The following METTL15 variants were observed in gnomAD, a reference collection of about 807,000 sequenced individuals.
METTL15 encodes the protein 12S rRNA N(4)-cytidine methyltransferase METTL15.
METTL15 carries 34 observed loss-of-function variants against 38.3 expected under a neutral mutation model. That is an observed-to-expected ratio of 0.89 (90% confidence interval 0.68 to 1.18). METTL15 has a LOEUF of 1.18. Ranked by LOEUF, METTL15 falls within the 50% of genes most tolerant of loss-of-function variation. The probability of loss-of-function intolerance (pLI) is 0.00; values close to 1 mark genes in which losing one functional copy is unlikely to be tolerated. For synonymous variants in METTL15, 162 were observed against 170.9 expected (o/e 0.95, Z 0.41); for missense variants, 438 against 498.4 (o/e 0.88, Z 1.15).
At chr11:28,348,045 A>T (rs772538382) in intron 3 of METTL15, among the ~76,000 whole-genome samples, 5 of 152,184 alleles carry the variant, frequency 3.3e-5, no homozygotes, top group Non-Finnish European at 7.3e-5. Flanking sequence ...CCATCCTATG[A>T]GATTGCACAT....
chr11:28,424,375 A>C (rs1850847296), intron 6 of METTL15: 1 of 152,104 alleles, frequency 6.6e-6, no homozygotes, highest in East Asian at 1.9e-4. Flanking sequence ...GTGAGTCACT[A>C]TTATAGGCCC....
intron 5 of METTL15, among the ~76,000 whole-genome samples, chr11:28,412,040 A>T (rs1228405260): frequency 6.6e-6 from 1 of 152,054 alleles, no homozygotes; most frequent in Non-Finnish European, 1.5e-5. Context: ...AACCACTATG[A>T]GATATCACCT....
At chr11:28,155,916 C>T (rs1292031152) in intron 3 of METTL15, among the ~76,000 whole-genome samples, 1 of 152,144 alleles carries the variant, frequency 6.6e-6, no homozygotes, top group Admixed American at 6.6e-5. Context: ...CAGGCTGTCT[C>T]TGTAAGGTCA....
intron 6 of METTL15, among the ~76,000 whole-genome samples, chr11:28,458,413 C>A (rs1186589938): frequency 1.3e-5 from 2 of 152,102 alleles, no homozygotes; most frequent in African/African-American, 4.8e-5. Context: ...CTTAGATATC[C>A]ATAAAACTTG....
At chr11:28,337,887 AC>A (rs922188553), downstream of METTL15, among the ~76,000 whole-genome samples, 7 of 152,074 alleles carry the variant, frequency 4.6e-5, no homozygotes, top group African/African-American at 1.7e-4. Context: ...TTGCCTAATG[AC>A]CCATGTCTCA....
intron 6 of METTL15, among the ~76,000 whole-genome samples, chr11:28,449,231 A>G (rs2133446016): frequency 6.6e-6 from 1 of 152,238 alleles, no homozygotes; most frequent in East Asian, 1.9e-4. Flanking sequence ...CTGATTTGTA[A>G]TGACACTTTA....
At chr11:28,400,535 C>G (rs992013656) in intron 5 of METTL15, among the ~76,000 whole-genome samples, 1 of 151,958 alleles carries the variant, frequency 6.6e-6, no homozygotes, top group Non-Finnish European at 1.5e-5. Context: ...AATTGAGAAA[C>G]AGTTTAAAAC....
At chr11:28,430,003 C>T (rs1404220115) in intron 6 of METTL15, among the ~76,000 whole-genome samples, 1 of 135,196 alleles carries the variant, frequency 7.4e-6, no homozygotes, top group Admixed American at 7.2e-5. Flanking sequence ...GCGCCTCTGC[C>T]CCGCCGCCCC....
chr11:28,491,069 G>A (rs193082227), intron 6 of METTL15, among the ~76,000 whole-genome samples: 76 of 152,260 alleles, frequency 5.0e-4, no homozygotes, highest in Non-Finnish European at 7.4e-4. Flanking sequence ...AAATTGAAGA[G>A]CTTTGTGGAC....
intron 4 of METTL15, among the ~76,000 whole-genome samples, chr11:28,280,055 C>A (rs898033210): frequency 1.3e-5 from 2 of 152,120 alleles, no homozygotes; most frequent in Middle Eastern, 3.4e-3. Flanking sequence ...TATTTTAATT[C>A]CACATATATA....
chr11:28,443,292 G>A (rs999194910), intron 6 of METTL15, among the ~76,000 whole-genome samples: 9 of 151,774 alleles, frequency 5.9e-5, no homozygotes, highest in South Asian at 2.1e-4. Flanking sequence ...GCCGCCTCTC[G>A]TTATTCTGCT....
chr11:28,112,198 A>G lies in METTL15; in HGVS notation c.-17-1120A>G, dbSNP rs184200997. Among the ~76,000 whole-genome samples, 33 of 152,290 alleles carry G rather than the reference A, an allele frequency of 2.2e-4. No homozygotes were observed. The East Asian group carries it at 6.0e-3, about 28-fold the overall frequency. On this transcript the variant is annotated intron_variant, in intron 2 of 6. Transcript: ENST00000407364. ...ATGCTTCTTGTAGTATTTTGAGAAC[A>G]TATGGTTTTTGGTGGGGTCAGTCAT...
intron 4 of METTL15, among the ~76,000 whole-genome samples, chr11:28,216,610 A>C (rs1225799314): frequency 1.3e-5 from 2 of 151,980 alleles, no homozygotes; most frequent in African/African-American, 4.8e-5. Context: ...TGTGCACAAC[A>C]TGCAGATTTA....
At chr11:28,384,225 G>A (rs544064303) in intron 5 of METTL15, among the ~76,000 whole-genome samples, 5 of 151,974 alleles carry the variant, frequency 3.3e-5, no homozygotes, top group African/African-American at 9.6e-5. Flanking sequence ...GGGCATTTTG[G>A]TTGATTCAAT....
chr11:28,402,560 A>G (rs1001624173), intron 5 of METTL15, among the ~76,000 whole-genome samples: 3 of 151,978 alleles, frequency 2.0e-5, no homozygotes, highest in Non-Finnish European at 2.9e-5. Flanking sequence ...GAATTTCCCA[A>G]ATATGGCTCT....
At chr11:28,299,226 A>G (rs1259431033) in intron 6 of METTL15, among the ~76,000 whole-genome samples, 3 of 152,144 alleles carry the variant, frequency 2.0e-5, no homozygotes, top group African/African-American at 4.8e-5. Context: ...CATATGTCCT[A>G]TAAGTTCTGG....
chr11:28,499,714 CA>C (rs34108532), intron 6 of METTL15, among the ~76,000 whole-genome samples: 1 of 151,784 alleles, frequency 6.6e-6, no homozygotes, highest in African/African-American at 2.4e-5. Flanking sequence ...AAAATGATCA[CA>C]AAAAAAGACA....
intron 4 of METTL15, among the ~76,000 whole-genome samples, chr11:28,281,338 G>A (rs547666492): frequency 6.6e-6 from 1 of 152,246 alleles, no homozygotes; most frequent in Admixed American, 6.5e-5. Context: ...GATGGGTCCT[G>A]AACTCTAATA....
At chr11:28,115,135 C>A (rs904253871) in intron 3 of METTL15, among the ~76,000 whole-genome samples, 1 of 152,136 alleles carries the variant, frequency 6.6e-6, no homozygotes, top group Admixed American at 6.5e-5. Flanking sequence ...GGGGTGTTGA[C>A]CCCTACAGAG....
Sources: gnomAD v4.1 joint callset for allele counts (sites outside exome capture counted in the v4.1 genomes callset) on GRCh38, gnomAD v4.1.1 for gene constraint, MANE v1.5 for transcripts, NCBI Gene and HGNC (gene_info 2026-07-23, HGNC 2026-07-21) for gene names.